Variants in HECW1 observed in about 807,000 individuals in gnomAD.
HECW1 encodes the protein E3 ubiquitin-protein ligase HECW1.
A neutral mutation model predicts 182.3 loss-of-function variants in HECW1; 61 were observed. The ratio of observed to expected loss-of-function variants is 0.33; its 90% confidence interval spans 0.27 to 0.41. HECW1 has a LOEUF of 0.41. Among genes scored for constraint, HECW1 ranks in the 10% least tolerant of loss-of-function variants. The pLI is 1.00. For missense variants in HECW1, 1,739 were observed against 2,108.9 expected (o/e 0.82, Z 3.44); for synonymous variants, 859 against 832.6 (o/e 1.03, Z -0.55).
Position 43,442,625 on chromosome 7 carries a change from C to T in HECW1, c.1041C>T (p.His347=), listed in dbSNP as rs372616325. 2.8e-4 allele frequency: 450 copies of T among 1,607,828 alleles called. No homozygotes were observed. Among genetic ancestry groups the T allele is most frequent in the Non-Finnish European group, 3.5e-4 (411 of 1,174,584 alleles). ...GATTTGAGATCACTTCCTCCATCCA[C>T]CCAGGTATTTTCAGCATGAACTTCA... ...QFRFEITSSI[H]PDDEEISLST... Residue 347 remains histidine (H), a synonymous_variant, in exon 10 of 30, where the codon CAC becomes CAT. Transcript: ENST00000395891.
chr7:43,508,227 G>T, intron 23 of HECW1, 96 bp downstream of exon 23: 3 of 726,658 alleles, frequency 4.1e-6, no homozygotes, highest in Non-Finnish European at 7.2e-6. Flanking sequence ...CACAGTAGCT[G>T]TCAGTCTTCA....
intron 2 of HECW1, among the ~76,000 whole-genome samples, chr7:43,124,335 T>A (rs554873277): frequency 3.6e-4 from 55 of 152,206 alleles, no homozygotes; most frequent in Non-Finnish European, 7.1e-4. Flanking sequence ...TTCAAATCTG[T>A]TTTTTCAAAG....
intron 6 of HECW1, among the ~76,000 whole-genome samples, chr7:43,372,006 G>A (rs369078676): frequency 2.7e-4 from 41 of 152,190 alleles, no homozygotes; most frequent in African/African-American, 5.8e-4. Flanking sequence ...ATTTTTAGTA[G>A]AGATGGGATT....
chr7:43,325,341 G>A (rs959334753), intron 5 of HECW1, among the ~76,000 whole-genome samples: 7 of 152,122 alleles, frequency 4.6e-5, no homozygotes, highest in East Asian at 3.8e-4. Context: ...TTTGGGCTCC[G>A]CTGGCCCATT....
chr7:43,273,677 T>A (rs1452486241), intron 3 of HECW1, among the ~76,000 whole-genome samples: 2 of 151,616 alleles, frequency 1.3e-5, no homozygotes, highest in Non-Finnish European at 1.5e-5. Context: ...AATAACAGAA[T>A]GATAACAATG....
rs142137298 is a variant in HECW1, at chr7:43,493,618, T to C, written c.3437+438T>C. Among the ~76,000 whole-genome samples, 89 of 152,354 alleles carry C rather than the reference T, an allele frequency of 5.8e-4. 1 individual carries two copies. In the East Asian group the frequency reaches 0.016, roughly 27 times the overall value. ...TGTTCTAACTACTTACATCTTATGC[T>C]TCATTAGGGTCATTTTTGAACAAGT... On this transcript the variant is annotated intron_variant, in intron 19 of 29. Transcript: ENST00000395891.
chr7:43,264,723 A>G lies in HECW1; in HGVS notation c.27+20791A>G, dbSNP rs2152735938. Among the ~76,000 whole-genome samples the G allele has an allele frequency of 2.6e-5, 4 of 151,850 alleles. 1 individual carries two copies. The highest frequency in any genetic ancestry group is 2.6e-4 in the Admixed American group (4 of 15,232). Reference sequence around the variant, plus strand: ...GCCAGGTGTGGTGGCGGGCACCTGTAGTCTCAGTTACTCCGGTGGCTGAGG... The same window carrying G: ...GCCAGGTGTGGTGGCGGGCACCTGTGGTCTCAGTTACTCCGGTGGCTGAGG... On this transcript the variant is annotated intron_variant, in intron 3 of 29. Coordinates refer to ENST00000395891, the MANE Select transcript of HECW1 (RefSeq NM_015052.5).
intron 2 of HECW1, among the ~76,000 whole-genome samples, chr7:43,149,209 A>G (rs1789037202): frequency 6.6e-6 from 1 of 152,172 alleles, no homozygotes; most frequent in African/African-American, 2.4e-5. Flanking sequence ...GACCCCCTTA[A>G]CCATGTGATC....
At chr7:43,258,809 G>GTTA (rs1800865494) in intron 3 of HECW1, 1 of 152,188 alleles carries the variant, frequency 6.6e-6, no homozygotes, top group Admixed American at 6.5e-5. Context: ...AGCTAACAGA[G>GTTA]GCAAATGTCT....
chr7:43,161,343 G>A (rs1562614834), intron 2 of HECW1, among the ~76,000 whole-genome samples: 1 of 152,304 alleles, frequency 6.6e-6, no homozygotes, highest in East Asian at 1.9e-4. Context: ...AGAATGAGAA[G>A]AGCTGGTGGA....
intron 29 of HECW1, among the ~76,000 whole-genome samples, chr7:43,560,962 G>A (rs1024109725): frequency 5.3e-5 from 8 of 152,308 alleles, no homozygotes; most frequent in Admixed American, 4.6e-4. Flanking sequence ...TCTCTACTAC[G>A]GTACAGGACT....
intron 3 of HECW1, among the ~76,000 whole-genome samples, chr7:43,281,050 C>T (rs956720574): frequency 6.6e-6 from 1 of 152,118 alleles, no homozygotes; most frequent in African/African-American, 2.4e-5. Context: ...TTCTAGGATC[C>T]TGCACTCATT....
chr7:43,270,701 G>A (rs1802302461), intron 3 of HECW1, among the ~76,000 whole-genome samples: 2 of 152,158 alleles, frequency 1.3e-5, no homozygotes, highest in Admixed American at 1.3e-4. Flanking sequence ...TATAGCATTT[G>A]CAGATGTTTA....
At chr7:43,236,569 G>A (rs1037041402) in intron 2 of HECW1, among the ~76,000 whole-genome samples, 1 of 152,184 alleles carries the variant, frequency 6.6e-6, no homozygotes, top group Non-Finnish European at 1.5e-5. Context: ...GGAACTTCCA[G>A]GTCATAGGTA....
At chr7:43,382,777 A>G (rs2074609064) in intron 6 of HECW1, among the ~76,000 whole-genome samples, 1 of 152,214 alleles carries the variant, frequency 6.6e-6, no homozygotes, top group Non-Finnish European at 1.5e-5. Flanking sequence ...TGGATTTATT[A>G]TCTTACTTTA....
chr7:43,183,392 C>T (rs2152677974), intron 2 of HECW1, among the ~76,000 whole-genome samples: 1 of 152,198 alleles, frequency 6.6e-6, no homozygotes, highest in South Asian at 2.1e-4. Flanking sequence ...TGCAAACATC[C>T]TCCGCCCTCA....
chr7:43,403,775 G>A (rs886361642), intron 7 of HECW1, among the ~76,000 whole-genome samples: 3 of 152,042 alleles, frequency 2.0e-5, no homozygotes, highest in African/African-American at 7.2e-5. Context: ...AATACTAGGA[G>A]GAATAAGGTT....
intron 4 of HECW1, among the ~76,000 whole-genome samples, chr7:43,316,804 C>CGTCCCGTCTCCTCCCCT (rs1809373055): frequency 5.3e-5 from 2 of 37,690 alleles, no homozygotes; most frequent in Non-Finnish European, 9.5e-5. Flanking sequence ...TCTCCTCTCC[C>CGTCCCGTCTCCTCCCCT]GTCCCGTCTC....
Position 43,445,362 on chromosome 7 carries a change from C to T in HECW1, c.2190C>T (p.Ser730=). The change falls in exon 11 of 30, where the codon AGC becomes AGT. Residue 730 remains serine, a synonymous_variant. Coordinates refer to ENST00000395891, the MANE Select transcript of HECW1 (RefSeq NM_015052.5). Reference sequence around the variant, plus strand: ...TGGACAGCGCCAAGATCTCCGAGAGCACGGTCTTCTCCTCGCAAGACGACG... The same window carrying T: ...TGGACAGCGCCAAGATCTCCGAGAGTACGGTCTTCTCCTCGCAAGACGACG... ...SSVDSAKISE[S]TVFSSQDDEE... The T allele has an allele frequency of 1.2e-6, 2 of 1,613,804 alleles. No individual in the cohort carries two copies. Among genetic ancestry groups the T allele is most frequent in the Non-Finnish European group, 1.7e-6 (2 of 1,180,032 alleles).
Sources: gnomAD v4.1 joint callset for allele counts (sites outside exome capture counted in the v4.1 genomes callset) on GRCh38, gnomAD v4.1.1 for gene constraint, MANE v1.5 for transcripts, NCBI Gene and HGNC (gene_info 2026-07-23, HGNC 2026-07-21) for gene names.